Variants in DOCK10 observed in about 807,000 individuals in gnomAD.
DOCK10 encodes dedicator of cytokinesis protein 10.
Under a neutral mutation model 280.1 loss-of-function variants are expected in DOCK10, and 145 were observed. The ratio of observed to expected loss-of-function variants is 0.52; its 90% CI spans 0.45 to 0.59. The LOEUF (loss-of-function observed/expected upper bound fraction) is 0.59, where lower values mean the gene tolerates loss of function less well. Ranked by LOEUF, DOCK10 falls within the 20% of genes least tolerant of loss-of-function variation. The pLI is 0.00. For synonymous variants in DOCK10, 915 were observed against 942.2 expected, an observed-to-expected ratio of 0.97 and a Z score of 0.53; for missense variants, 2,368 against 2,651.7, an observed-to-expected ratio of 0.89 and a Z score of 2.35.
At chr2:224,859,429 C>A (rs181424373) in intron 14 of DOCK10, among the ~76,000 whole-genome samples, 1 of 152,050 alleles carries the variant, frequency 6.6e-6, no homozygotes, top group Non-Finnish European at 1.5e-5. Flanking sequence ...AATTTTCTCC[C>A]GAGTCAATGA....
At chr2:224,884,625 TAAG>T (rs1448727390) in intron 7 of DOCK10, among the ~76,000 whole-genome samples, 2 of 152,208 alleles carry the variant, frequency 1.3e-5, no homozygotes, top group Non-Finnish European at 2.9e-5. Context: ...AATTTCATAC[TAAG>T]GACAATAATT....
intron 53 of DOCK10, among the ~76,000 whole-genome samples, chr2:224,771,833 G>A (rs1327717019): frequency 1.4e-5 from 1 of 74,040 alleles, no homozygotes; most frequent in Non-Finnish European, 2.9e-5. Context: ...GGCCTTCTCA[G>A]CCCATGGGGG....
At chr2:224,783,720 C>T (rs1691526836) in intron 50 of DOCK10, among the ~76,000 whole-genome samples, 1 of 150,528 alleles carries the variant, frequency 6.6e-6, no homozygotes. Flanking sequence ...CCCCACTGCC[C>T]CCCCTCAGTC....
chr2:224,967,315 T>G (rs770979992), intron 1 of DOCK10, among the ~76,000 whole-genome samples: 1 of 152,230 alleles, frequency 6.6e-6, no homozygotes, highest in Middle Eastern at 3.4e-3. Flanking sequence ...CTCCTGACCT[T>G]GTGATCTGCC....
At chr2:224,992,166 A>ATGACACGG (rs1190207578) in intron 1 of DOCK10, among the ~76,000 whole-genome samples, 4 of 152,142 alleles carry the variant, frequency 2.6e-5, no homozygotes, top group Non-Finnish European at 5.9e-5. Context: ...ATATTTTTGG[A>ATGACACGG]TGACACGGGA....
intron 53 of DOCK10, among the ~76,000 whole-genome samples, chr2:224,771,713 G>A (rs1690452157): frequency 6.6e-6 from 1 of 152,174 alleles, no homozygotes; most frequent in Non-Finnish European, 1.5e-5. Context: ...CACTGGTACT[G>A]GGTGTACCAT....
At chr2:225,029,029 G>A (rs1690001530) in intron 1 of DOCK10, among the ~76,000 whole-genome samples, 1 of 152,176 alleles carries the variant, frequency 6.6e-6, no homozygotes, top group Non-Finnish European at 1.5e-5. Flanking sequence ...CTTATGATAT[G>A]AAATTACGTG....
chr2:224,848,915 A>G (rs1696539744), intron 19 of DOCK10, among the ~76,000 whole-genome samples: 1 of 152,250 alleles, frequency 6.6e-6, no homozygotes. Flanking sequence ...TATTCACTGA[A>G]AAAGAAAAGA....
chr2:224,833,486 AT>A (rs61164574), intron 26 of DOCK10, among the ~76,000 whole-genome samples: 45,388 of 144,516 alleles, frequency 0.31, 8,289 homozygotes, highest in African/African-American at 0.52. Flanking sequence ...TCGCCTTCAA[AT>A]TTTTTTTTTT....
chr2:224,917,038 CT>C (rs201710311), intron 2 of DOCK10, among the ~76,000 whole-genome samples: 7,461 of 149,634 alleles, frequency 0.05, 266 homozygotes, highest in South Asian at 0.088. Context: ...GCTGTTCCCC[CT>C]TTGCAGAAAA....
intron 53 of DOCK10, among the ~76,000 whole-genome samples, chr2:224,772,120 C>T (rs911638587): frequency 2.6e-5 from 4 of 151,938 alleles, no homozygotes; most frequent in African/African-American, 4.8e-5. Flanking sequence ...GGGGTTTCAC[C>T]TTGTTGGCCA....
intron 1 of DOCK10, among the ~76,000 whole-genome samples, chr2:224,973,406 G>T (rs999567740): frequency 6.6e-6 from 1 of 152,222 alleles, no homozygotes; most frequent in African/African-American, 2.4e-5. Flanking sequence ...GGGTCCTTAC[G>T]AGTGAAAGAG....
Position 224,874,336 on chromosome 2 carries a change from G to C in DOCK10, c.1031C>G (p.Thr344Arg), listed in dbSNP as rs1295992306. The change falls in exon 10 of 56, where the codon ACA becomes AGA. Residue 344 changes from threonine to arginine, a missense_variant. By Grantham distance (71) the Thr-to-Arg change is moderately conservative. Transcript: ENST00000258390. ...TCGAGTTGTTTTTACAGTATCTTCT[G>C]TTTCTGTGAGGTACTACAGAGAAAA... ...HADFAKYLTE[T>R]EDTVKTTRNM... The C allele has an allele frequency of 6.2e-7, 1 of 1,611,454 alleles. No homozygotes were observed. The highest frequency in any genetic ancestry group is 8.5e-7 in the Non-Finnish European group (1 of 1,178,726).
chr2:224,984,305 C>T (rs917185635), intron 1 of DOCK10, among the ~76,000 whole-genome samples: 1 of 152,374 alleles, frequency 6.6e-6, no homozygotes, highest in South Asian at 2.1e-4. Flanking sequence ...ATGCACTTCA[C>T]ATCCTAAACT....
intron 7 of DOCK10, among the ~76,000 whole-genome samples, chr2:224,879,516 A>C (rs1698846275): frequency 6.6e-6 from 1 of 152,174 alleles, no homozygotes; most frequent in South Asian, 2.1e-4. Flanking sequence ...CCAGCGCTTT[A>C]GGAGGCCAAG....
chr2:224,817,961 G>A (rs1380761711), intron 29 of DOCK10, among the ~76,000 whole-genome samples: 2 of 152,178 alleles, frequency 1.3e-5, no homozygotes, highest in African/African-American at 4.8e-5. Context: ...AGTGGGTAAA[G>A]GTTAACAGAG....
At chr2:224,900,782 A>G (rs1240182619) in intron 3 of DOCK10, among the ~76,000 whole-genome samples, 2 of 152,232 alleles carry the variant, frequency 1.3e-5, no homozygotes, top group East Asian at 3.8e-4. Flanking sequence ...GCTTAACAAC[A>G]TCAGTTTTCT....
intron 14 of DOCK10, among the ~76,000 whole-genome samples, chr2:224,857,817 G>T (rs573706870): frequency 1.3e-5 from 2 of 151,736 alleles, no homozygotes; most frequent in East Asian, 3.9e-4. Context: ...TTAATGTAAT[G>T]TTTTATCACT....
intron 7 of DOCK10, among the ~76,000 whole-genome samples, chr2:224,880,013 A>G (rs1005131436): frequency 2.0e-5 from 3 of 152,202 alleles, no homozygotes; most frequent in African/African-American, 4.8e-5. Context: ...TTAAAGGTGG[A>G]TTGAGTTGCA....
Sources: gnomAD v4.1 joint callset for allele counts (sites outside exome capture counted in the v4.1 genomes callset) on GRCh38, gnomAD v4.1.1 for gene constraint, MANE v1.5 for transcripts, NCBI Gene and HGNC (gene_info 2026-07-23, HGNC 2026-07-21) for gene names.